ZNF714: variants seen among roughly 807,000 people sequenced by gnomAD.
ZNF714 encodes zinc finger protein 714.
ZNF714 carries 32 observed loss-of-function variants against 46.2 expected under a neutral mutation model. That is an observed-to-expected ratio of 0.69 (90% CI 0.52 to 0.93). ZNF714 has a LOEUF of 0.93. ZNF714 is among the 40% of genes least tolerant of loss of function. The probability of loss-of-function intolerance (pLI) is 0.00; values close to 1 mark genes in which losing one functional copy is unlikely to be tolerated. For synonymous variants in ZNF714, 199 were observed against 213.1 expected (o/e 0.93, Z 0.58); for missense variants, 635 against 646.3 (o/e 0.98, Z 0.19).
chr19:21,110,364 T>G (rs954684406), intron 4 of ZNF714, among the ~76,000 whole-genome samples: 12 of 152,264 alleles, frequency 7.9e-5, no homozygotes, highest in Non-Finnish European at 1.8e-4. Flanking sequence ...GAGCTTTTTT[T>G]CATGTTTTAT....
At chr19:21,090,169 T>G (rs1483878064) in intron 2 of ZNF714, among the ~76,000 whole-genome samples, 2 of 152,272 alleles carry the variant, frequency 1.3e-5, no homozygotes, top group African/African-American at 4.8e-5. Flanking sequence ...TTGAGGCCTC[T>G]GGGCAAGATG....
chr19:21,108,209 G>A (rs755641394), intron 4 of ZNF714, among the ~76,000 whole-genome samples: 1 of 152,170 alleles, frequency 6.6e-6, no homozygotes, highest in Non-Finnish European at 1.5e-5. Flanking sequence ...AAATTATTGG[G>A]ATTGTAGGTA....
chr19:21,116,694 G>T, intron 4 of ZNF714, 113 bp from the exon 5 acceptor site: 1 of 1,247,782 alleles, frequency 8.0e-7, no homozygotes, highest in South Asian at 1.7e-5. Flanking sequence ...AGGGCCTGTG[G>T]TATTTTATTA....
Position 21,117,225 on chromosome 19 carries a change from C to T in ZNF714, c.561C>T (p.Thr187=), listed in dbSNP as rs1969617541. The T allele has an allele frequency of 1.2e-6, 2 of 1,613,968 alleles. No homozygotes were observed. Among genetic ancestry groups the T allele is most frequent in the Non-Finnish European group, 8.5e-7 (1 of 1,179,938 alleles). Residue 187 remains threonine (T), a synonymous_variant, in exon 5 of 5, where the codon ACC becomes ACT. Transcript: ENST00000456283. ...ECDKVFKRFS[T]LTRHKRVHTG... is the part of the protein sequence containing the mutation. ...ACAAAGTGTTTAAGCGGTTCTCAAC[C>T]CTTACTAGACACAAGAGAGTTCATA...
chr19:21,099,461 TGA>T (rs1969121991), intron 4 of ZNF714, among the ~76,000 whole-genome samples: 5 of 151,604 alleles, frequency 3.3e-5, no homozygotes, highest in Admixed American at 6.6e-5. Flanking sequence ...ATTACAAGTG[TGA>T]GCCACCGTGC....
chr19:21,083,937 TG>T, intron 1 of ZNF714, 40 bp from the exon 2 acceptor site: 1 of 1,100,548 alleles, frequency 9.1e-7, no homozygotes, highest in Non-Finnish European at 1.2e-6. Context: ...TCAGCTAAAG[TG>T]CCTAGTGAAT....
At chr19:21,106,429 C>T (rs1969315583) in intron 4 of ZNF714, among the ~76,000 whole-genome samples, 1 of 151,466 alleles carries the variant, frequency 6.6e-6, no homozygotes. Context: ...ATTAGCTGGG[C>T]GTGGTGGCAG....
rs552986589 is a variant in ZNF714, at chr19:21,093,474, C to T, written c.-84-4711C>T. Among the ~76,000 whole-genome samples the T allele has an allele frequency of 5.1e-4, 78 of 151,468 alleles. No individual in the cohort carries two copies. In the South Asian group the frequency reaches 9.6e-3, roughly 19 times the overall value. On this transcript the variant is annotated intron_variant, in intron 2 of 4. Coordinates refer to ENST00000456283, the MANE Select transcript of ZNF714 (RefSeq NM_182515.4). ...CTCAAACTCCTGACCGCAGGTGATC[C>T]GCCCGCCTCAGCCTCCCAAAATGCT...
At chr19:21,083,107 G>T (rs913567832) in intron 1 of ZNF714, among the ~76,000 whole-genome samples, 2 of 151,434 alleles carry the variant, frequency 1.3e-5, no homozygotes, top group African/African-American at 4.8e-5. Flanking sequence ...GGGCGATCTT[G>T]TCTCACCGTA....
intron 2 of ZNF714, among the ~76,000 whole-genome samples, chr19:21,087,222 C>CAAAAAAAAAAAAAAAAA (rs57295093): frequency 1.1e-5 from 1 of 92,168 alleles, no homozygotes; most frequent in African/African-American, 4.4e-5. Context: ...GCAGTCTCAG[C>CAAAAAAAAAAAAAAAAA]AAAAAAAAAA....
intron 4 of ZNF714, among the ~76,000 whole-genome samples, chr19:21,114,011 C>G (rs557367974): frequency 6.6e-6 from 1 of 152,276 alleles, no homozygotes; most frequent in African/African-American, 2.4e-5. Flanking sequence ...ATGTGGAAGT[C>G]TAAGTCTCTT....
intron 2 of ZNF714, among the ~76,000 whole-genome samples, chr19:21,090,179 G>C (rs13346419): frequency 6.6e-6 from 1 of 152,230 alleles, no homozygotes; most frequent in East Asian, 1.9e-4. Flanking sequence ...TGGGCAAGAT[G>C]GTTACTCTGG....
chr19:21,099,000 T>C, intron 4 of ZNF714, 90 bp downstream of exon 4: 3 of 818,376 alleles, frequency 3.7e-6, no homozygotes, highest in Non-Finnish European at 5.5e-6. Context: ...CAATGTGATT[T>C]GGGAAGCTGT....
intron 2 of ZNF714, among the ~76,000 whole-genome samples, chr19:21,086,910 CAG>C (rs1273167669): frequency 6.6e-6 from 1 of 152,114 alleles, no homozygotes; most frequent in African/African-American, 2.4e-5. Context: ...CCTAACTAGT[CAG>C]AGTCTTCTTG....
chr19:21,109,153 C>A (rs1969388950), intron 4 of ZNF714, among the ~76,000 whole-genome samples: 2 of 152,106 alleles, frequency 1.3e-5, no homozygotes, highest in South Asian at 2.1e-4. Flanking sequence ...TAAAATGAGT[C>A]TCTTATAGAC....
In ZNF714 at chr19:21,082,297, G is replaced by T. The variant is rs1968668343; in HGVS notation, c.-228G>T. On this transcript the variant is annotated 5_prime_UTR_variant, in exon 1 of 5. Transcript: ENST00000456283. ...GCCTCTGTGGCCCTGTGACCTGCAG[G>T]TATTGAGAGATCCACAGCTAAGACG... The T allele has an allele frequency of 2.1e-6, 3 of 1,445,582 alleles. No individual in the cohort carries two copies. In the East Asian group the frequency reaches 1.0e-4, roughly 50 times the overall value. The allele number at this position is 1,445,582 out of a possible 1,614,324, so 89.5% of individuals were successfully genotyped here. A position where few individuals can be genotyped will look rare whatever the true frequency, so the allele number is the denominator to read the frequency against.
Position 21,118,047 on chromosome 19 carries a change from T to C in ZNF714, c.1383T>C (p.Ala461=), listed in dbSNP as rs534492644. 1.4e-5 allele frequency: 23 copies of C among 1,613,494 alleles called. No individual in the cohort carries two copies. In the South Asian group the frequency reaches 2.3e-4, roughly 16 times the overall value. ...ACAAATGTGAAGAATGTGGCAAAGC[T>C]TTCAACCGATCCTCAAACCTTACTA... ...KPYKCEECGK[A]FNRSSNLTKH... is the part of the protein sequence containing the mutation. Residue 461 remains alanine (A), a synonymous_variant, in exon 5 of 5, where the codon GCT becomes GCC. Transcript: ENST00000456283.
At chr19:21,082,387 G>T (rs1409459417) in intron 1 of ZNF714, 39 bp downstream of exon 1, 25 of 1,456,526 alleles carry the variant, frequency 1.7e-5, no homozygotes, top group Non-Finnish European at 1.8e-5. Flanking sequence ...AGAGGGGAAG[G>T]GGCGGGTTGT....
intron 4 of ZNF714, among the ~76,000 whole-genome samples, chr19:21,108,387 CA>C (rs1286021587): frequency 1.3e-5 from 2 of 152,182 alleles, no homozygotes; most frequent in African/African-American, 4.8e-5. Context: ...CTATGTCCTG[CA>C]AACCTCATGC....
Sources: allele counts gnomAD v4.1 joint callset (sites outside exome capture counted in the v4.1 genomes callset), GRCh38; gene constraint gnomAD v4.1.1; transcripts MANE v1.5; gene names NCBI Gene and HGNC (gene_info 2026-07-23, HGNC 2026-07-21).